SMC1B: variants seen among roughly 807,000 people sequenced by gnomAD.
The protein encoded by SMC1B is structural maintenance of chromosomes 1B.
SMC1B carries 60 observed loss-of-function variants against 157.9 expected under a neutral mutation model. The observed-to-expected ratio is 0.38, with a 90% CI of 0.31 to 0.47. SMC1B has a LOEUF of 0.47. Ranked by LOEUF, SMC1B falls within the 20% of genes least tolerant of loss-of-function variation. The pLI, the probability that SMC1B is intolerant of heterozygous loss-of-function variation, is 0.99. For missense variants in SMC1B, 1,165 were observed against 1,426.2 expected, an observed-to-expected ratio of 0.82 and a Z score of 2.95; for synonymous variants, 445 against 483.0, an observed-to-expected ratio of 0.92 and a Z score of 1.03.
At chr22:45,393,343 A>T (rs2087083619) in intron 9 of SMC1B, among the ~76,000 whole-genome samples, 1 of 152,208 alleles carries the variant, frequency 6.6e-6, no homozygotes, top group Non-Finnish European at 1.5e-5. Context: ...ACTTCACAGC[A>T]TCCAGGTCCT....
In SMC1B at chr22:45,396,352, T is replaced by C. The variant is rs761309058; in HGVS notation, c.1248A>G (p.Glu416=). Reference sequence around the variant, plus strand: ...ACTGTACAACCCAAGACACCTGAACTTCTCCATGCCTCCTCTTTTCAAATG... The same window carrying C: ...ACTGTACAACCCAAGACACCTGAACCTCTCCATGCCTCCTCTTTTCAAATG... ...RLAFEKRRHG[E]VQGNLKQIKE... is the part of the protein sequence containing the mutation. Residue 416 remains glutamate (E), a synonymous_variant, in exon 7 of 25, where the codon GAA becomes GAG. Transcript: ENST00000357450. The C allele has an allele frequency of 4.3e-6, 7 of 1,611,770 alleles. No homozygotes were observed. The highest frequency in any genetic ancestry group is 5.9e-6 in the Non-Finnish European group (7 of 1,179,088).
At position 45,345,507 on chromosome 22, in the gene SMC1B, T is replaced by C. The variant is rs1315478559; in HGVS notation, c.3558A>G (p.Lys1186=). 1 of 1,613,836 alleles carries C rather than the reference T, an allele frequency of 6.2e-7. No homozygotes were observed. The highest frequency in any genetic ancestry group is 8.5e-7 in the Non-Finnish European group (1 of 1,179,874). ...DQFQMIVISL[K]EEFYSRADAL... ...CGTCGGCTCTGGAATAGAACTCTTC[T>C]TTTAGGGAGATGACTATCATCTGAA... Residue 1186 remains lysine, a synonymous_variant, in exon 24 of 25, where the codon AAA becomes AAG. Transcript: ENST00000357450.
At chr22:45,375,148 A>C (rs769090181) in intron 12 of SMC1B, among the ~76,000 whole-genome samples, 6 of 152,236 alleles carry the variant, frequency 3.9e-5, no homozygotes, top group African/African-American at 1.4e-4. Context: ...AGATAAATGC[A>C]TATCTGACTG....
At chr22:45,357,367 T>C (rs1308680671) in intron 19 of SMC1B, among the ~76,000 whole-genome samples, 1 of 152,168 alleles carries the variant, frequency 6.6e-6, no homozygotes, top group African/African-American at 2.4e-5. Context: ...CTAAATAAAG[T>C]TAAATTAAAG....
chr22:45,357,049 A>G (rs966758093), intron 19 of SMC1B, among the ~76,000 whole-genome samples: 1 of 152,122 alleles, frequency 6.6e-6, no homozygotes, highest in Non-Finnish European at 1.5e-5. Flanking sequence ...TTAATTTTTT[A>G]TATGTAGCTC....
rs1240400808 is a variant in SMC1B at position 45,413,470 on chromosome 22, G to A, written c.98C>T (p.Pro33Leu). 30 of 1,608,120 alleles carry A rather than the reference G, an allele frequency of 1.9e-5. No individual in the cohort carries two copies. The highest frequency in any genetic ancestry group is 2.5e-5 in the Non-Finnish European group (30 of 1,177,436). The change falls in exon 1 of 25, where the codon CCC (proline) becomes CTC (leucine). Residue 33 changes from proline to leucine, a missense_variant. Coordinates refer to ENST00000357450, the MANE Select transcript of SMC1B (RefSeq NM_148674.5). The part of the protein sequence containing the change: ...PFRRFTCIIG[P>L]NGSGKSNVMD... ...AGCTGCTCAGTTACCAGAGCCGTTG[G>A]GGCCGATGATGCAGGTGAACCTCCG...
At chr22:45,385,443 T>G (rs2086980382) in intron 11 of SMC1B, among the ~76,000 whole-genome samples, 2 of 152,112 alleles carry the variant, frequency 1.3e-5, no homozygotes, top group African/African-American at 2.4e-5. Flanking sequence ...GTGACATCTA[T>G]CCAATTGTTT....
intron 14 of SMC1B, among the ~76,000 whole-genome samples, chr22:45,370,615 G>T (rs2086821980): frequency 6.6e-6 from 1 of 152,108 alleles, no homozygotes; most frequent in African/African-American, 2.4e-5. Context: ...GATTTTAGTT[G>T]AATATACATT....
At chr22:45,401,906 T>C (rs4429564) in intron 5 of SMC1B, among the ~76,000 whole-genome samples, 93,862 of 150,908 alleles carry the variant, frequency 0.62, 31,718 homozygotes, top group African/African-American at 0.9. Context: ...TTTTTTGAGA[T>C]GGAGTCTCAC....
chr22:45,363,910 G>A (rs1444693218), intron 15 of SMC1B, among the ~76,000 whole-genome samples: 3 of 150,456 alleles, frequency 2.0e-5, no homozygotes, highest in Admixed American at 1.3e-4. Flanking sequence ...ATGCAGTGAT[G>A]CGATCTCAGC....
At chr22:45,381,900 A>G (rs369755997) in intron 12 of SMC1B, among the ~76,000 whole-genome samples, 11 of 152,352 alleles carry the variant, frequency 7.2e-5, no homozygotes, top group South Asian at 2.1e-4. Context: ...ACCAAGGAAG[A>G]AAACTAAATA....
intron 9 of SMC1B, among the ~76,000 whole-genome samples, chr22:45,393,368 C>A (rs1258513334): frequency 6.6e-6 from 1 of 152,080 alleles, no homozygotes; most frequent in African/African-American, 2.4e-5. Flanking sequence ...GGGATACTGG[C>A]CACAATTTGA....
At chr22:45,398,465 C>T (rs1382787940) in intron 6 of SMC1B, among the ~76,000 whole-genome samples, 1 of 152,138 alleles carries the variant, frequency 6.6e-6, no homozygotes, top group Non-Finnish European at 1.5e-5. Flanking sequence ...CTGCAGTGAA[C>T]GTGGGACCAA....
Position 45,361,903 on chromosome 22 carries a change from A to T in SMC1B, c.2644T>A (p.Ser882Thr). 6.2e-7 allele frequency: 1 copy of T among 1,614,054 alleles called. No homozygotes were observed. Among genetic ancestry groups the T allele is most frequent in the Non-Finnish European group, 8.5e-7 (1 of 1,179,988 alleles). The change falls in exon 17 of 25, where the codon TCC becomes ACC. Residue 882 changes from serine to threonine, a missense_variant. Physicochemically the swap from Ser to Thr is moderately conservative, Grantham distance 58. Transcript: ENST00000357450. The part of the protein sequence containing the change: ...QLKDIRVTQN[S>T]SAEKVQTQIE... ...TGAGTTTGAACTTTCTCGGCACTGG[A>T]GTTCTGAGTGACACGTATGTCCTTA... is the stretch of plus-strand genomic sequence containing the variant.
At chr22:45,364,505 G>C (rs2086753641) in intron 15 of SMC1B, among the ~76,000 whole-genome samples, 1 of 152,144 alleles carries the variant, frequency 6.6e-6, no homozygotes, top group African/African-American at 2.4e-5. Flanking sequence ...TTATTTAACA[G>C]ATGAGAAGAC....
chr22:45,355,142 C>G, intron 19 of SMC1B, 27 bp from the exon 20 acceptor site: 1 of 1,613,240 alleles, frequency 6.2e-7, no homozygotes, highest in Non-Finnish European at 8.5e-7. Context: ...ACAACACTGA[C>G]TGGCATGGCA....
intron 12 of SMC1B, among the ~76,000 whole-genome samples, chr22:45,379,043 C>T (rs1050502827): frequency 2.0e-5 from 3 of 152,132 alleles, no homozygotes; most frequent in Non-Finnish European, 4.4e-5. Flanking sequence ...AGTGAAGCGG[C>T]ATGATCTTGG....
At chr22:45,380,266 A>G (rs2086923508) in intron 12 of SMC1B, among the ~76,000 whole-genome samples, 1 of 152,080 alleles carries the variant, frequency 6.6e-6, no homozygotes, top group Non-Finnish European at 1.5e-5. Flanking sequence ...CATTGCTTCT[A>G]TAACCTATAG....
chr22:45,394,626 G>A, intron 8 of SMC1B, 59 bp downstream of exon 8: 1 of 1,444,054 alleles, frequency 6.9e-7, no homozygotes, highest in East Asian at 2.6e-5. Flanking sequence ...ATGGGAGTGA[G>A]ACCCTCTCTC....
Sources: allele counts gnomAD v4.1 joint callset (sites outside exome capture counted in the v4.1 genomes callset), GRCh38; gene constraint gnomAD v4.1.1; transcripts MANE v1.5; gene names NCBI Gene and HGNC (gene_info 2026-07-23, HGNC 2026-07-21).